NTN4: variants seen among roughly 807,000 people sequenced by gnomAD.
The protein encoded by NTN4 is netrin 4.
NTN4 carries 32 observed loss-of-function variants against 73.6 expected under a neutral mutation model. The observed-to-expected ratio is 0.44, with a 90% CI of 0.33 to 0.58. The LOEUF is 0.58. Among genes scored for constraint, NTN4 ranks in the 20% least tolerant of loss-of-function variants. The pLI, the probability that NTN4 is intolerant of heterozygous loss-of-function variation, is 0.04. For missense variants in NTN4, 654 were observed against 798.3 expected (o/e 0.82, Z 2.18); for synonymous variants, 258 against 287.5 (o/e 0.90, Z 1.04).
chr12:95,724,324 A>G (rs1020796987), intron 3 of NTN4, among the ~76,000 whole-genome samples: 1 of 152,218 alleles, frequency 6.6e-6, no homozygotes, highest in Non-Finnish European at 1.5e-5. Flanking sequence ...ACTCCACTCT[A>G]TAGAACTGTT....
At chr12:95,693,930 G>A (rs2078421357) in intron 5 of NTN4, among the ~76,000 whole-genome samples, 2 of 151,872 alleles carry the variant, frequency 1.3e-5, no homozygotes, top group Admixed American at 6.6e-5. Flanking sequence ...GGAACATAAT[G>A]GAACCATTAT....
intron 7 of NTN4, chr12:95,673,360 A>C: frequency 4.0e-6 from 1 of 250,814 alleles, no homozygotes; most frequent in Non-Finnish European, 7.9e-6. Flanking sequence ...GGTTTTTGCG[A>C]CCGCTTTGTT....
intron 3 of NTN4, among the ~76,000 whole-genome samples, chr12:95,725,553 T>C (rs1036441041): frequency 1.3e-5 from 2 of 152,174 alleles, no homozygotes; most frequent in Non-Finnish European, 2.9e-5. Flanking sequence ...GCTGTTTCCC[T>C]TCTTTCTTGA....
chr12:95,769,306 G>C (rs926975013), intron 2 of NTN4, among the ~76,000 whole-genome samples: 2 of 152,158 alleles, frequency 1.3e-5, no homozygotes, highest in Non-Finnish European at 2.9e-5. Flanking sequence ...GAAGATTCCA[G>C]AGAGAAAATC....
intron 8 of NTN4, among the ~76,000 whole-genome samples, chr12:95,667,472 G>A (rs1457185417): frequency 4.6e-5 from 7 of 152,026 alleles, no homozygotes; most frequent in South Asian, 2.1e-4. Context: ...CGAATACAGC[G>A]TCAGACAGCT....
chr12:95,746,381 A>T (rs1250898326), intron 2 of NTN4, among the ~76,000 whole-genome samples: 1 of 87,922 alleles, frequency 1.1e-5, no homozygotes, highest in Non-Finnish European at 2.5e-5. Flanking sequence ...AGTTGTTTTA[A>T]CTAGACCCCC....
At chr12:95,707,741 A>C (rs548600315) in intron 5 of NTN4, among the ~76,000 whole-genome samples, 70 of 152,296 alleles carry the variant, frequency 4.6e-4, no homozygotes, top group Middle Eastern at 6.8e-3. Flanking sequence ...GCGCTCAATA[A>C]AAGTAACTGG....
At position 95,658,931 on chromosome 12, in the gene NTN4, T is replaced by C. The variant is rs778348519; in HGVS notation, c.*155A>G. On this transcript the variant is annotated 3_prime_UTR_variant, in exon 10 of 10. Transcript: ENST00000343702. Reference sequence around the variant, plus strand: ...AAATAAAACTGTATTTAAACATGGGTCCAGAAGAGATAAGTTAGATAAGAC... The same window carrying C: ...AAATAAAACTGTATTTAAACATGGGCCCAGAAGAGATAAGTTAGATAAGAC... 1.3e-5 allele frequency: 8 copies of C among 632,344 alleles called. No homozygotes were observed. Among genetic ancestry groups the C allele is most frequent in the Non-Finnish European group, 2.2e-5 (8 of 371,918 alleles). 39.2% of individuals were successfully genotyped at this position (632,344 alleles called of 1,614,324 possible).
intron 2 of NTN4, among the ~76,000 whole-genome samples, chr12:95,766,322 A>G (rs1476754176): frequency 6.6e-6 from 1 of 152,228 alleles, no homozygotes; most frequent in East Asian, 1.9e-4. Context: ...TTCTTAAGTC[A>G]TAATCTATAT....
intron 3 of NTN4, among the ~76,000 whole-genome samples, chr12:95,729,626 AGAGAGAGTGTGTGTGTGTGTGT>A (rs1219218945): frequency 8.2e-6 from 1 of 122,518 alleles, no homozygotes; most frequent in African/African-American, 3.6e-5. Context: ...AGAGAGAGAG[AGAGAGAGTGTGTGTGTGTGTGT>A]GTGTGTGTGT....
intron 2 of NTN4, among the ~76,000 whole-genome samples, chr12:95,771,823 C>G (rs1324291291): frequency 6.6e-6 from 1 of 152,014 alleles, no homozygotes; most frequent in Non-Finnish European, 1.5e-5. Flanking sequence ...CTCCCTCTCC[C>G]TTTTCCATCA....
chr12:95,782,204 C>T (rs963441134), intron 2 of NTN4, among the ~76,000 whole-genome samples: 7 of 152,152 alleles, frequency 4.6e-5, no homozygotes, highest in African/African-American at 1.7e-4. Flanking sequence ...TTATTGACTG[C>T]CTACTGTGAT....
At chr12:95,725,238 A>C (rs17287608) in intron 3 of NTN4, among the ~76,000 whole-genome samples, 16,967 of 152,138 alleles carry the variant, frequency 0.11, 1,297 homozygotes, top group Non-Finnish European at 0.17. Flanking sequence ...GAAAGCAAAA[A>C]ACGAGTAGAA....
rs372673294 is a variant in NTN4, at chr12:95,682,832, T to C, written c.1395-10A>G. ...GTCTATGTCTGTGTGGCTAACAAAATAGAACATGATAAAGAACGTATTCAG... is the reference window on the plus strand; with the variant it reads ...GTCTATGTCTGTGTGGCTAACAAAACAGAACATGATAAAGAACGTATTCAG... On this transcript the variant is annotated splice_polypyrimidine_tract_variant and intron_variant, in intron 6 of 9. Transcript: ENST00000343702. 4.2e-5 allele frequency: 64 copies of C among 1,518,302 alleles called. No homozygotes were observed. The highest frequency in any genetic ancestry group is 5.4e-5 in the Non-Finnish European group (59 of 1,095,364). The allele number at this position is 1,518,302 out of a possible 1,614,324, so 94.1% of individuals were successfully genotyped here.
chr12:95,662,710 ATCTC>A (rs1459436675), intron 9 of NTN4, among the ~76,000 whole-genome samples: 3 of 152,264 alleles, frequency 2.0e-5, no homozygotes, highest in Admixed American at 6.5e-5. Flanking sequence ...ATGAAAAAGA[ATCTC>A]AATATTTAAT....
intron 2 of NTN4, among the ~76,000 whole-genome samples, chr12:95,778,984 G>A (rs2079113748): frequency 6.6e-6 from 1 of 152,096 alleles, no homozygotes; most frequent in Non-Finnish European, 1.5e-5. Context: ...TTCATCCCTG[G>A]GATGCAAGGC....
chr12:95,769,954 A>G (rs1218722531), intron 2 of NTN4, among the ~76,000 whole-genome samples: 1 of 151,968 alleles, frequency 6.6e-6, no homozygotes, highest in East Asian at 1.9e-4. Context: ...GCGGGGTTTC[A>G]GCACATTGGC....
At chr12:95,772,332 G>A (rs573794007) in intron 2 of NTN4, among the ~76,000 whole-genome samples, 9 of 152,238 alleles carry the variant, frequency 5.9e-5, no homozygotes, top group South Asian at 2.1e-4. Flanking sequence ...GAGCCACCAC[G>A]TCCACCCAAG....
intron 2 of NTN4, among the ~76,000 whole-genome samples, chr12:95,758,547 T>C (rs543912293): frequency 6.6e-6 from 1 of 152,330 alleles, no homozygotes; most frequent in East Asian, 1.9e-4. Flanking sequence ...AGTGTCTTAA[T>C]AGCAATAGTT....
Sources: gnomAD v4.1 joint callset for allele counts (sites outside exome capture counted in the v4.1 genomes callset) on GRCh38, gnomAD v4.1.1 for gene constraint, MANE v1.5 for transcripts, NCBI Gene and HGNC (gene_info 2026-07-23, HGNC 2026-07-21) for gene names.